Variants in KANK4 observed in about 807,000 individuals in gnomAD.
KANK4 encodes KN motif and ankyrin repeat domains 4.
In KANK4, 50 loss-of-function variants were observed where a neutral mutation model predicts 80.8. The observed-to-expected ratio is 0.62, with a 90% CI of 0.49 to 0.78. The LOEUF (loss-of-function observed/expected upper bound fraction) is 0.78. Ranked by LOEUF, KANK4 falls within the 30% of genes least tolerant of loss-of-function variation. The probability of loss-of-function intolerance (pLI) is 0.00; values close to 1 mark genes in which losing one functional copy is unlikely to be tolerated. For missense variants in KANK4, 1,196 were observed against 1,240.1 expected (o/e 0.96, Z 0.53); for synonymous variants, 465 against 506.9 (o/e 0.92, Z 1.11).
intron 1 of KANK4, among the ~76,000 whole-genome samples, chr1:62,291,833 CT>C (rs1672685381): frequency 6.6e-6 from 1 of 152,160 alleles, no homozygotes; most frequent in Admixed American, 6.5e-5. Context: ...TCTGGAACCC[CT>C]GACCTCAAGT....
intron 1 of KANK4, among the ~76,000 whole-genome samples, chr1:62,306,990 A>T (rs950364472): frequency 5.2e-4 from 79 of 152,248 alleles, no homozygotes; most frequent in African/African-American, 1.9e-3. Context: ...TACAATAAAT[A>T]TTGGCCAAGG....
intron 1 of KANK4, among the ~76,000 whole-genome samples, chr1:62,300,929 G>A (rs74076477): frequency 0.097 from 14,684 of 151,774 alleles, 1,954 homozygotes; most frequent in African/African-American, 0.3. Flanking sequence ...TTTTTTTCTT[G>A]TAAGAGAACA....
At chr1:62,256,116 C>G (rs1417288888) in intron 7 of KANK4, among the ~76,000 whole-genome samples, 1 of 152,124 alleles carries the variant, frequency 6.6e-6, no homozygotes, top group Non-Finnish European at 1.5e-5. Flanking sequence ...TTATGTGTGG[C>G]CCAAGACAAT....
intron 7 of KANK4, among the ~76,000 whole-genome samples, chr1:62,260,836 GCT>G (rs142295804): frequency 2.6e-5 from 4 of 150,956 alleles, no homozygotes; most frequent in Non-Finnish European, 5.9e-5. Context: ...CCACTGACGT[GCT>G]CTCTCTCTCT....
At chr1:62,252,528 G>A (rs1295901265) in intron 8 of KANK4, among the ~76,000 whole-genome samples, 1 of 152,238 alleles carries the variant, frequency 6.6e-6, no homozygotes, top group Non-Finnish European at 1.5e-5. Context: ...CCTGGAAAGT[G>A]GGAATCCTCA....
chr1:62,300,222 T>C (rs1018010129), intron 1 of KANK4, among the ~76,000 whole-genome samples: 1 of 152,130 alleles, frequency 6.6e-6, no homozygotes, highest in Non-Finnish European at 1.5e-5. Flanking sequence ...CCACAAGGCA[T>C]GAAGTTCAAT....
intron 5 of KANK4, 135 bp downstream of exon 5, chr1:62,268,152 C>A (rs1201670713): frequency 8.2e-6 from 6 of 734,868 alleles, no homozygotes; most frequent in Non-Finnish European, 1.4e-5. Flanking sequence ...ACAGTGTGGG[C>A]ATGAAACAGA....
chr1:62,245,150 T>C (rs1671436624), intron 9 of KANK4, among the ~76,000 whole-genome samples: 1 of 152,218 alleles, frequency 6.6e-6, no homozygotes, highest in Non-Finnish European at 1.5e-5. Context: ...TGTACAAACC[T>C]GTTCCAGATT....
chr1:62,270,172 GATTTGGTTCTTCCAC>G (rs143142952), intron 4 of KANK4, among the ~76,000 whole-genome samples: 12,672 of 152,220 alleles, frequency 0.083, 554 homozygotes, highest in African/African-American at 0.12. Flanking sequence ...GCAGAGCCAT[GATTTGGTTCTTCCAC>G]ATTTGGATGC....
Position 62,274,457 on chromosome 1 carries a change from G to C in KANK4, c.647C>G (p.Ser216Cys), listed in dbSNP as rs200275217. 1.2e-6 allele frequency: 2 copies of C among 1,614,204 alleles called. No individual in the cohort carries two copies. Among genetic ancestry groups the C allele is most frequent in the Non-Finnish European group, 1.7e-6 (2 of 1,180,030 alleles). The change falls in exon 3 of 10, where the codon TCC becomes TGC. Residue 216 changes from serine to cysteine, a missense_variant. Ser to Cys is a moderately radical substitution (Grantham distance 112). This residue lies in a region of KANK4 where 1,154 missense variants were observed against 1,179.6 expected (regional missense o/e 0.98). Coordinates refer to ENST00000371153, the MANE Select transcript of KANK4 (RefSeq NM_181712.5). The stretch of plus-strand genomic sequence containing the variant: ...AATCCGAGTTGATGCTCGTGGGCTG[G>C]AGCTGTGGAAACCTGCCAATCCTTC... ...PAEGLAGFHS[S>C]SPRASTRIPE...
rs368400984 is a variant in KANK4, at chr1:62,273,193, A to G, written c.1900+11T>C. ...CTCCCTGTCTCAGGCCCCTATATTG[A>G]TGGTATTTACCCACTGGCGGGGAGG... On this transcript the variant is annotated intron_variant, in intron 3 of 9. Coordinates refer to ENST00000371153, the MANE Select transcript of KANK4 (RefSeq NM_181712.5). 105 of 1,493,902 alleles carry G rather than the reference A, an allele frequency of 7.0e-5. No homozygotes were observed. The highest frequency in any genetic ancestry group is 9.3e-5 in the Non-Finnish European group (104 of 1,119,140). 92.5% of individuals were successfully genotyped at this position (1,493,902 alleles called of 1,614,324 possible). A position where few individuals can be genotyped will look rare whatever the true frequency, so the allele number is the denominator to read the frequency against.
intron 2 of KANK4, among the ~76,000 whole-genome samples, chr1:62,275,737 A>C (rs536598148): frequency 6.6e-6 from 1 of 152,018 alleles, no homozygotes; most frequent in East Asian, 1.9e-4. Flanking sequence ...AAAACTGCCT[A>C]GTGCTTAACA....
At chr1:62,253,649 T>C (rs544862842) in intron 7 of KANK4, among the ~76,000 whole-genome samples, 2 of 152,236 alleles carry the variant, frequency 1.3e-5, no homozygotes, top group African/African-American at 2.4e-5. Flanking sequence ...CCTGACTTCG[T>C]GATCCACCCT....
intron 8 of KANK4, among the ~76,000 whole-genome samples, chr1:62,250,338 C>T (rs1175769874): frequency 2.6e-5 from 4 of 152,248 alleles, no homozygotes; most frequent in Non-Finnish European, 5.9e-5. Flanking sequence ...CTCACATCTG[C>T]CCCTCTGCCT....
chr1:62,318,136 C>T (rs747613326), intron 1 of KANK4, among the ~76,000 whole-genome samples: 19 of 152,226 alleles, frequency 1.2e-4, no homozygotes, highest in Admixed American at 4.6e-4. Context: ...CTCCCCATGC[C>T]TCAGCCGGGT....
At chr1:62,315,204 GT>G (rs1644529408) in intron 1 of KANK4, among the ~76,000 whole-genome samples, 1 of 152,148 alleles carries the variant, frequency 6.6e-6, no homozygotes. Flanking sequence ...CTGCTTGGCG[GT>G]GAATCTAGGC....
chr1:62,256,816 G>A (rs1429048742), intron 7 of KANK4, among the ~76,000 whole-genome samples: 1 of 152,092 alleles, frequency 6.6e-6, no homozygotes, highest in Non-Finnish European at 1.5e-5. Context: ...GCCATGAGCC[G>A]GCAGGTGATG....
rs186145434 is a variant in KANK4 at position 62,291,225 on chromosome 1, T to C, written c.-70-9591A>G. 4.9e-3 allele frequency among the ~76,000 whole-genome samples: 741 copies of C among 152,354 alleles called. 8 individuals carry two copies. The highest frequency in any genetic ancestry group is 0.017 in the African/African-American group (718 of 41,588). On this transcript the variant is annotated intron_variant, in intron 1 of 9. Coordinates refer to ENST00000371153, the MANE Select transcript of KANK4 (RefSeq NM_181712.5). ...TTTCATGTGCTTATTGGCTTTTGTA[T>C]ATCATCTTTGGAGAAATGTCCATTC...
In KANK4 at chr1:62,269,788, TA is replaced by T. The variant is rs61379448; in HGVS notation, c.2013-1284del. On this transcript the variant is annotated intron_variant, in intron 4 of 9. Transcript: ENST00000371153. ...AGTGATAAAAACAATGAATAAAATT[TA>T]AAAAAAAAGAGCCATGGGATAGAAG... Among the ~76,000 whole-genome samples the T allele has an allele frequency of 2.8e-3, 431 of 151,274 alleles. 3 individuals carry two copies. The highest frequency in any genetic ancestry group is 0.01 in the African/African-American group (417 of 41,254).
Sources: gnomAD v4.1 joint callset for allele counts (sites outside exome capture counted in the v4.1 genomes callset) on GRCh38, gnomAD v4.1.1 for gene constraint, gnomAD v4.1.1 regional missense constraint, MANE v1.5 for transcripts, NCBI Gene and HGNC (gene_info 2026-07-23, HGNC 2026-07-21) for gene names.